The following KCND2 variants were observed in gnomAD, a reference collection of about 807,000 sequenced individuals.
The protein encoded by KCND2 is A-type voltage-gated potassium channel KCND2.
A neutral mutation model predicts 54.4 loss-of-function variants in KCND2; 16 were observed. That is an observed-to-expected ratio of 0.29 (90% CI 0.20 to 0.45). KCND2 has a LOEUF of 0.45. KCND2 is among the 20% of genes least tolerant of loss of function. KCND2 has a pLI of 1.00. For synonymous variants in KCND2, 317 were observed against 310.7 expected (o/e 1.02, Z -0.21); for missense variants, 486 against 824.2 (o/e 0.59, Z 5.02).
chr7:120,444,893 C>T (rs923126961), intron 1 of KCND2, among the ~76,000 whole-genome samples: 2 of 152,074 alleles, frequency 1.3e-5, no homozygotes, highest in African/African-American at 4.8e-5. Context: ...GTAAAATTAA[C>T]ACTTACCTCA....
At chr7:120,629,160 C>A (rs753441045) in intron 1 of KCND2, among the ~76,000 whole-genome samples, 3 of 152,020 alleles carry the variant, frequency 2.0e-5, no homozygotes, top group Non-Finnish European at 4.4e-5. Context: ...GTTGAAGGGC[C>A]CTGAAGCGAG....
intron 1 of KCND2, among the ~76,000 whole-genome samples, chr7:120,589,595 T>C (rs1439992193): frequency 2.6e-5 from 4 of 152,242 alleles, no homozygotes; most frequent in African/African-American, 9.6e-5. Context: ...TAATGATCAT[T>C]AACTTTGCTA....
At chr7:120,609,104 C>G (rs1223869061) in intron 1 of KCND2, among the ~76,000 whole-genome samples, 1 of 151,922 alleles carries the variant, frequency 6.6e-6, no homozygotes, top group Non-Finnish European at 1.5e-5. Flanking sequence ...CAAAACTGTT[C>G]ATAATGTTCT....
intron 1 of KCND2, among the ~76,000 whole-genome samples, chr7:120,448,728 G>A (rs1336178021): frequency 6.6e-6 from 1 of 151,850 alleles, no homozygotes; most frequent in Non-Finnish European, 1.5e-5. Context: ...TATCCACCAC[G>A]ATCAATTTGG....
At chr7:120,334,754 A>G (rs1800119942) in intron 1 of KCND2, among the ~76,000 whole-genome samples, 1 of 152,172 alleles carries the variant, frequency 6.6e-6, no homozygotes, top group Admixed American at 6.5e-5. Context: ...AGCAGTAGAA[A>G]CAGTTTATTT....
intron 1 of KCND2, among the ~76,000 whole-genome samples, chr7:120,352,837 A>G (rs550846106): frequency 6.6e-6 from 1 of 152,298 alleles, no homozygotes; most frequent in Non-Finnish European, 1.5e-5. Context: ...AAAAATTCTC[A>G]TTAGTTACTG....
intron 1 of KCND2, among the ~76,000 whole-genome samples, chr7:120,480,130 T>C (rs998779181): frequency 2.6e-5 from 4 of 151,960 alleles, no homozygotes; most frequent in Non-Finnish European, 5.9e-5. Context: ...ATAAAAAAGA[T>C]GGTGAAAATA....
chr7:120,477,221 C>CT (rs1235093546), intron 1 of KCND2, among the ~76,000 whole-genome samples: 1 of 152,138 alleles, frequency 6.6e-6, no homozygotes, highest in East Asian at 1.9e-4. Context: ...AAATGAAGCA[C>CT]TACCATTTAA....
At chr7:120,385,383 C>T (rs1164173136) in intron 1 of KCND2, among the ~76,000 whole-genome samples, 1 of 151,768 alleles carries the variant, frequency 6.6e-6, no homozygotes, top group East Asian at 1.9e-4. Context: ...CTCTGAGTAC[C>T]CCATGCAAAA....
chr7:120,632,711 T>C (rs1349112555), intron 1 of KCND2, among the ~76,000 whole-genome samples: 5 of 152,132 alleles, frequency 3.3e-5, no homozygotes, highest in African/African-American at 1.2e-4. Context: ...GCACCATGAG[T>C]TGTTTTACTG....
intron 1 of KCND2, among the ~76,000 whole-genome samples, chr7:120,722,603 T>C (rs1792682599): frequency 1.3e-5 from 2 of 152,156 alleles, no homozygotes; most frequent in South Asian, 4.1e-4. Flanking sequence ...ATAAAATATG[T>C]ATTAGGTCAT....
chr7:120,633,430 A>G (rs1481927589), intron 1 of KCND2, among the ~76,000 whole-genome samples: 1 of 152,242 alleles, frequency 6.6e-6, no homozygotes, highest in Non-Finnish European at 1.5e-5. Flanking sequence ...CTGTAAGGCC[A>G]GCATTTAGTG....
At chr7:120,510,596 G>C (rs1257667066) in intron 1 of KCND2, among the ~76,000 whole-genome samples, 1 of 152,012 alleles carries the variant, frequency 6.6e-6, no homozygotes, top group African/African-American at 2.4e-5. Flanking sequence ...TTTCTTAGGA[G>C]GAGGGTGATT....
intron 1 of KCND2, among the ~76,000 whole-genome samples, chr7:120,729,172 C>G (rs909502347): frequency 6.6e-6 from 1 of 152,184 alleles, no homozygotes; most frequent in Non-Finnish European, 1.5e-5. Context: ...TATCCCATCC[C>G]TAGCAGATTC....
intron 1 of KCND2, among the ~76,000 whole-genome samples, chr7:120,395,789 A>G (rs1265358275): frequency 6.6e-6 from 1 of 151,982 alleles, no homozygotes; most frequent in Non-Finnish European, 1.5e-5. Flanking sequence ...GAGTGTCATT[A>G]TGTTAATGAG....
intron 1 of KCND2, among the ~76,000 whole-genome samples, chr7:120,381,271 CAAAT>C (rs1452572150): frequency 6.6e-6 from 1 of 151,926 alleles, no homozygotes; most frequent in Non-Finnish European, 1.5e-5. Flanking sequence ...ATTAAATAAA[CAAAT>C]AAAGATATTT....
At chr7:120,418,452 A>C (rs1381078556) in intron 1 of KCND2, among the ~76,000 whole-genome samples, 1 of 143,858 alleles carries the variant, frequency 7.0e-6, no homozygotes, top group African/African-American at 2.8e-5. Flanking sequence ...TCAGCAACCA[A>C]ACTGCCTTGT....
At chr7:120,645,177 G>A (rs949499231) in intron 1 of KCND2, among the ~76,000 whole-genome samples, 1 of 152,228 alleles carries the variant, frequency 6.6e-6, no homozygotes, top group African/African-American at 2.4e-5. Context: ...GTAGCCCTGA[G>A]CCTCATTGCT....
rs868184116 is a variant in KCND2 at position 120,737,071 on chromosome 7, C to A, written c.1278+4006C>A. Among the ~76,000 whole-genome samples the A allele has an allele frequency of 2.9e-3, 407 of 138,340 alleles. 3 individuals carry two copies. Among genetic ancestry groups the A allele is most frequent in the African/African-American group, 0.011 (381 of 35,948 alleles). The allele number at this position is 138,340 out of a possible 152,430, so 90.8% of individuals were successfully genotyped here. A position where few individuals can be genotyped will look rare whatever the true frequency, so the allele number is the denominator to read the frequency against. ...ACACACACACACACACACACACACA[C>A]ACACAAACAAAAAAAAAAAAAACAA... On this transcript the variant is annotated intron_variant, in intron 2 of 5. Transcript: ENST00000331113.
Sources: allele counts gnomAD v4.1 joint callset (sites outside exome capture counted in the v4.1 genomes callset), GRCh38; gene constraint gnomAD v4.1.1; transcripts MANE v1.5; gene names NCBI Gene and HGNC (gene_info 2026-07-23, HGNC 2026-07-21).